The following MAK16 variants were observed in gnomAD, a reference collection of about 807,000 sequenced individuals.
MAK16 encodes the protein MAK16 homolog.
Under a neutral mutation model 49.9 loss-of-function variants are expected in MAK16, and 12 were observed. The ratio of observed to expected loss-of-function variants is 0.24; its 90% CI spans 0.15 to 0.39. The LOEUF is 0.39. Among genes scored for constraint, MAK16 ranks in the 10% least tolerant of loss-of-function variants. The pLI, the probability that MAK16 is intolerant of heterozygous loss-of-function variation, is 1.00. For missense variants in MAK16, 292 were observed against 363.7 expected (o/e 0.80, Z 1.60); for synonymous variants, 115 against 126.4 (o/e 0.91, Z 0.60).
intron 7 of MAK16, 67 bp from the exon 8 acceptor site, chr8:33,496,558 C>T: frequency 8.3e-6 from 10 of 1,209,132 alleles, no homozygotes; most frequent in Non-Finnish European, 1.2e-5. Context: ...ATATTCTCCA[C>T]AGAAAGTGGA....
Position 33,499,717 on chromosome 8 carries a change from T to G in MAK16, c.*1088T>G, listed in dbSNP as rs1204843672. On this transcript the variant is annotated 3_prime_UTR_variant, in exon 10 of 10. Coordinates refer to ENST00000360128, the MANE Select transcript of MAK16 (RefSeq NM_032509.4). ...TGTCCAGTGACTTATGGCATGAATTTCTTTTCATGCTACCTTCAATCTTCA... is the reference window on the plus strand; with the variant it reads ...TGTCCAGTGACTTATGGCATGAATTGCTTTTCATGCTACCTTCAATCTTCA... The G allele has an allele frequency of 6.0e-6, 1 of 167,134 alleles. No homozygotes were observed. Among genetic ancestry groups the G allele is most frequent in the East Asian group, 1.7e-4 (1 of 5,880 alleles). The allele number at this position is 167,134 out of a possible 1,614,324, so 10.4% of individuals were successfully genotyped here.
rs756335676 is a variant in MAK16 at position 33,485,214 on chromosome 8, C to T, written c.8C>T (p.Ser3Leu). MQ[S>L]DDVIWDTLGN... The stretch of plus-strand genomic sequence containing the variant: ...CGCTGAGCCGCGGACACCATGCAGT[C>T]GGATGATGTGAGTCTCCTCCGGTTG... Residue 3 changes from serine to leucine, a missense_variant, in exon 1 of 10, where the codon TCG (serine) becomes TTG (leucine). Ser to Leu is a moderately radical substitution (Grantham distance 145). Transcript: ENST00000360128. 5 of 1,614,174 alleles carry T rather than the reference C, an allele frequency of 3.1e-6. No individual in the cohort carries two copies. Among genetic ancestry groups the T allele is most frequent in the Non-Finnish European group, 4.2e-6 (5 of 1,180,046 alleles).
chr8:33,486,938 T>C (rs1422536330), intron 1 of MAK16, among the ~76,000 whole-genome samples: 4 of 152,212 alleles, frequency 2.6e-5, no homozygotes, highest in Admixed American at 6.5e-5. Context: ...TTAGAGATGA[T>C]ACTTAAAGCC....
intron 9 of MAK16, among the ~76,000 whole-genome samples, 172 bp downstream of exon 9, chr8:33,497,469 TAGTG>T (rs764194706): frequency 4.0e-5 from 6 of 151,178 alleles, no homozygotes; most frequent in Admixed American, 6.6e-5. Flanking sequence ...CTGAAGAACA[TAGTG>T]AGACCTCATC....
chr8:33,494,408 G>C (rs990455894), intron 6 of MAK16, among the ~76,000 whole-genome samples: 4 of 152,154 alleles, frequency 2.6e-5, no homozygotes, highest in African/African-American at 9.7e-5. Flanking sequence ...TAACCCATTA[G>C]ATAACCAGCA....
At chr8:33,488,922 A>T in intron 4 of MAK16, 66 bp from the exon 5 acceptor site, 2 of 1,609,042 alleles carry the variant, frequency 1.2e-6, no homozygotes, top group Non-Finnish European at 1.7e-6. Context: ...CATGGGTGTC[A>T]CTGACAGTGA....
intron 7 of MAK16, among the ~76,000 whole-genome samples, chr8:33,496,282 A>G (rs923098399): frequency 6.6e-6 from 1 of 152,206 alleles, no homozygotes; most frequent in East Asian, 1.9e-4. Context: ...AGTGTTGTTT[A>G]TACAGACAAC....
intron 8 of MAK16, 67 bp from the exon 9 acceptor site, chr8:33,497,161 GTACT>G: frequency 8.9e-7 from 1 of 1,117,632 alleles, no homozygotes; most frequent in Non-Finnish European, 1.3e-6. Flanking sequence ...ATGTTATTTT[GTACT>G]TACTTAGATG....
Position 33,497,489 on chromosome 8 carries a change from TA to T in MAK16, c.705+203del, listed in dbSNP as rs1205989997. 3.5e-3 allele frequency among the ~76,000 whole-genome samples: 523 copies of T among 148,962 alleles called. 1 individual carries two copies. The highest frequency in any genetic ancestry group is 5.6e-3 in the Non-Finnish European group (376 of 67,046). On this transcript the variant is annotated intron_variant, in intron 9 of 9. Coordinates refer to ENST00000360128, the MANE Select transcript of MAK16 (RefSeq NM_032509.4). ...GAACATAGTGAGACCTCATCTCTAA[TA>T]AAAAAAAAAATTTTTTTTTTTAGAT...
rs1217031767 is a variant in MAK16, at chr8:33,489,810, T to C, written c.393-475T>C. On this transcript the variant is annotated intron_variant, in intron 5 of 9. Transcript: ENST00000360128. This position sits in a 1 kb window ranked among gnomAD's most constrained non-coding sequence, Gnocchi z 4.2. ...TGAAAACTAATTTTTAAAAGTGATA[T>C]GAAATCCCCAGAATTAACAGAATAC... 6.6e-6 allele frequency among the ~76,000 whole-genome samples: 1 copy of C among 152,202 alleles called. No individual in the cohort carries two copies.
chr8:33,488,151 C>T (rs1203224544), intron 1 of MAK16, among the ~76,000 whole-genome samples: 1 of 152,184 alleles, frequency 6.6e-6, no homozygotes, highest in African/African-American at 2.4e-5. Context: ...TGGTCTCAAA[C>T]TCCTCACCTC....
chr8:33,500,406 C>T lies in MAK16; in HGVS notation c.*1777C>T, dbSNP rs1422142818. On this transcript the variant is annotated 3_prime_UTR_variant, in exon 10 of 10. Transcript: ENST00000360128. ...CCTGTAGCAGGGCGCTCTTAACAGA[C>T]TCAGGTGTAAGGTTTGGATCCCTTG... 1 of 1,614,008 alleles carries T rather than the reference C, an allele frequency of 6.2e-7. No homozygotes were observed. The highest frequency in any genetic ancestry group is 1.3e-5 in the African/African-American group (1 of 74,902).
At chr8:33,492,129 C>T (rs1808788252) in intron 6 of MAK16, among the ~76,000 whole-genome samples, 1 of 152,062 alleles carries the variant, frequency 6.6e-6, no homozygotes, top group South Asian at 2.1e-4. Context: ...TGTGCCTCAG[C>T]CTCCCAAGTA....
At chr8:33,498,271 CAAAAA>C (rs35740010) in intron 9 of MAK16, among the ~76,000 whole-genome samples, 156 bp from the exon 10 acceptor site, 65 of 85,766 alleles carry the variant, frequency 7.6e-4, no homozygotes, top group African/African-American at 2.8e-3. Context: ...GACCCCGTCT[CAAAAA>C]AAAAAAAAAA....
chr8:33,492,011 T>C (rs1212594277), intron 6 of MAK16, among the ~76,000 whole-genome samples: 1 of 151,934 alleles, frequency 6.6e-6, no homozygotes, highest in African/African-American at 2.4e-5. Context: ...GTCTGGATTT[T>C]GTTTTGTTTT....
Position 33,497,941 on chromosome 8 carries a change from C to A in MAK16, c.706-491C>A, listed in dbSNP as rs12155736. Among the ~76,000 whole-genome samples the A allele has an allele frequency of 2.5e-3, 374 of 151,624 alleles. 1 individual carries two copies. Among genetic ancestry groups the A allele is most frequent in the Non-Finnish European group, 4.4e-3 (302 of 67,866 alleles). ...CAAAACCCCGTGTCTACTAAAAATA[C>A]AAAAATTAGCTAGGTATGGTGGTGC... On this transcript the variant is annotated intron_variant, in intron 9 of 9. Transcript: ENST00000360128.
rs754841811 is a variant in MAK16, at chr8:33,488,749, A to T, written c.191A>T (p.Tyr64Phe). The stretch of plus-strand genomic sequence containing the variant: ...TTATCTTCAGGACAGTGCTACTTGT[A>T]TATGAAGGTTATAGAACGAGCGGCT... The part of the protein sequence containing the change: ...IKEEKGQCYL[Y>F]MKVIERAAFP... The change falls in exon 4 of 10, where the codon TAT becomes TTT. Residue 64 changes from tyrosine to phenylalanine, a missense_variant. Transcript: ENST00000360128. 2.5e-6 allele frequency: 4 copies of T among 1,614,120 alleles called. No individual in the cohort carries two copies. The highest frequency in any genetic ancestry group is 2.5e-6 in the Non-Finnish European group (3 of 1,180,042).
At position 33,488,500 on chromosome 8, in the gene MAK16, T is replaced by A. The variant is rs755589548; in HGVS notation, c.66-20T>A. 61 of 1,613,854 alleles carry A rather than the reference T, an allele frequency of 3.8e-5. No homozygotes were observed. The highest frequency in any genetic ancestry group is 4.9e-5 in the Non-Finnish European group (58 of 1,179,848). ...TTGGCAACCCATTTTATAATCTTTGTTTCTTTTCTCCCATTCTAGAACCAA... is the reference window on the plus strand; with the variant it reads ...TTGGCAACCCATTTTATAATCTTTGATTCTTTTCTCCCATTCTAGAACCAA... On this transcript the variant is annotated intron_variant, in intron 2 of 9. Transcript: ENST00000360128.
At chr8:33,486,043 G>A (rs1808681633) in intron 1 of MAK16, among the ~76,000 whole-genome samples, 1 of 151,914 alleles carries the variant, frequency 6.6e-6, no homozygotes, top group African/African-American at 2.4e-5. Context: ...AGTACAAAGA[G>A]TTGAAGATAT....
Sources: gnomAD v4.1 joint callset for allele counts (sites outside exome capture counted in the v4.1 genomes callset) on GRCh38, gnomAD v4.1.1 for gene constraint, Gnocchi (gnomAD v3.1) non-coding constraint, MANE v1.5 for transcripts, NCBI Gene and HGNC (gene_info 2026-07-23, HGNC 2026-07-21) for gene names.